Variants in OSBPL9 observed in about 807,000 individuals in gnomAD.
OSBPL9 encodes oxysterol binding protein like 9, also known as oxysterol-binding protein-related protein 9.
OSBPL9 carries 40 observed loss-of-function variants against 106.6 expected under a neutral mutation model. The ratio of observed to expected loss-of-function variants is 0.38; its 90% confidence interval spans 0.29 to 0.49. The LOEUF (loss-of-function observed/expected upper bound fraction) is 0.49. Among genes scored for constraint, OSBPL9 ranks in the 20% least tolerant of loss-of-function variants. The pLI is 0.97. For synonymous variants in OSBPL9, 269 were observed against 295.4 expected (o/e 0.91, Z 0.92); for missense variants, 609 against 887.2 (o/e 0.69, Z 3.98).
chr1:51,710,243 T>C (rs528089081), intron 3 of OSBPL9, among the ~76,000 whole-genome samples: 43 of 152,302 alleles, frequency 2.8e-4, no homozygotes, highest in Admixed American at 6.5e-4. Flanking sequence ...CTGAGTTGTG[T>C]TTAAGTATTT....
intron 2 of OSBPL9, among the ~76,000 whole-genome samples, chr1:51,663,693 A>G (rs1460382423): frequency 1.3e-5 from 2 of 152,238 alleles, no homozygotes; most frequent in Admixed American, 6.5e-5. Context: ...AGATATCATT[A>G]TGTGAGTGCA....
chr1:51,533,555 T>G, the OSBPL9 span, among the ~76,000 whole-genome samples: 2 of 149,860 alleles, frequency 1.3e-5, no homozygotes, highest in Admixed American at 6.6e-5. Flanking sequence ...GAAATGGCTG[T>G]GGGAGTCAAA....
At chr1:51,741,773 A>G (rs1666973616) in intron 4 of OSBPL9, among the ~76,000 whole-genome samples, 1 of 152,134 alleles carries the variant, frequency 6.6e-6, no homozygotes, top group Non-Finnish European at 1.5e-5. Context: ...GTTACATCAC[A>G]GACCATTTTG....
chr1:51,652,462 G>A (rs1646577279), intron 2 of OSBPL9, among the ~76,000 whole-genome samples: 1 of 152,112 alleles, frequency 6.6e-6, no homozygotes, highest in African/African-American at 2.4e-5. Context: ...CTGTCCAGTA[G>A]AAATACAATG....
chr1:51,745,332 G>A, intron 4 of OSBPL9: 1 of 618,312 alleles, frequency 1.6e-6, no homozygotes, highest in African/African-American at 1.9e-5. Flanking sequence ...TGCTGAGAAG[G>A]GAAGCAGTGC....
chr1:51,717,397 C>G (rs1661258698), intron 4 of OSBPL9, among the ~76,000 whole-genome samples: 1 of 152,216 alleles, frequency 6.6e-6, no homozygotes, highest in African/African-American at 2.4e-5. Flanking sequence ...CAACAGTTTT[C>G]TTTTCTTCAT....
At chr1:51,631,437 A>C (rs1405928637) in intron 1 of OSBPL9, among the ~76,000 whole-genome samples, 2 of 152,034 alleles carry the variant, frequency 1.3e-5, no homozygotes, top group African/African-American at 4.8e-5. Flanking sequence ...AGCTACTTGG[A>C]GGCTGAGGCA....
At chr1:51,575,370 T>G (rs532810238), upstream of OSBPL9, among the ~76,000 whole-genome samples, 8 of 151,394 alleles carry the variant, frequency 5.3e-5, no homozygotes, top group East Asian at 1.5e-3. Flanking sequence ...CCGGCTAATT[T>G]TTTTTTTTTT....
intron 9 of OSBPL9, among the ~76,000 whole-genome samples, chr1:51,758,455 G>T (rs1256264592): frequency 6.6e-6 from 1 of 151,692 alleles, no homozygotes; most frequent in Non-Finnish European, 1.5e-5. Context: ...TCTATTTTGG[G>T]ATCCACTTGC....
At chr1:51,636,080 A>ATGTGTGTG (rs1306785076) in intron 1 of OSBPL9, among the ~76,000 whole-genome samples, 1 of 125,694 alleles carries the variant, frequency 8.0e-6, no homozygotes, top group Non-Finnish European at 1.6e-5. Flanking sequence ...GTATGTATGT[A>ATGTGTGTG]TATGTGTGTG....
At chr1:51,724,520 G>A (rs1200269781) in intron 4 of OSBPL9, among the ~76,000 whole-genome samples, 1 of 151,950 alleles carries the variant, frequency 6.6e-6, no homozygotes, top group East Asian at 1.9e-4. Flanking sequence ...TCCTGACCTC[G>A]TGATTCGCAC....
At chr1:51,583,210 G>C (rs1172139573) in intron 1 of OSBPL9, among the ~76,000 whole-genome samples, 1 of 152,142 alleles carries the variant, frequency 6.6e-6, no homozygotes, top group Non-Finnish European at 1.5e-5. Context: ...GCCGAGATAA[G>C]ATTTGAATAG....
At chr1:51,642,229 AC>A (rs982953985) in intron 1 of OSBPL9, among the ~76,000 whole-genome samples, 5 of 152,234 alleles carry the variant, frequency 3.3e-5, no homozygotes, top group Admixed American at 1.3e-4. Context: ...AGCTGTACTT[AC>A]GTGTCTCCGT....
At chr1:51,698,856 T>C (rs114505050) in intron 3 of OSBPL9, among the ~76,000 whole-genome samples, 3 of 152,300 alleles carry the variant, frequency 2.0e-5, no homozygotes, top group Non-Finnish European at 4.4e-5. Flanking sequence ...GTGTATATCA[T>C]TACTGTATTT....
At chr1:51,712,262 C>T (rs980380840) in intron 3 of OSBPL9, among the ~76,000 whole-genome samples, 8 of 152,288 alleles carry the variant, frequency 5.3e-5, no homozygotes, top group Non-Finnish European at 1.2e-4. Context: ...ACCAGTCAGG[C>T]GTGGCGGCGC....
At chr1:51,555,591 G>A in the OSBPL9 span, among the ~76,000 whole-genome samples, 9 of 152,090 alleles carry the variant, frequency 5.9e-5, no homozygotes, top group South Asian at 1.7e-3. Flanking sequence ...TTTTTGAGAG[G>A]GAGTCTTGCT....
chr1:51,623,264 G>A (rs1050631558), intron 1 of OSBPL9, among the ~76,000 whole-genome samples: 2 of 152,138 alleles, frequency 1.3e-5, no homozygotes, highest in African/African-American at 4.8e-5. Context: ...AGGGCAAAGA[G>A]GACATGGAAT....
At chr1:51,724,009 C>T (rs907644536) in intron 4 of OSBPL9, among the ~76,000 whole-genome samples, 1 of 152,086 alleles carries the variant, frequency 6.6e-6, no homozygotes, top group Non-Finnish European at 1.5e-5. Context: ...TACAGTGGTG[C>T]CATCTGGGCT....
the OSBPL9 span, among the ~76,000 whole-genome samples, chr1:51,564,952 G>T: frequency 6.6e-6 from 1 of 152,182 alleles, no homozygotes. Flanking sequence ...TTCTGGGCAT[G>T]GCAGCAACCC....
Sources: gnomAD v4.1 joint callset for allele counts (sites outside exome capture counted in the v4.1 genomes callset) on GRCh38, gnomAD v4.1.1 for gene constraint, MANE v1.5 for transcripts, NCBI Gene and HGNC (gene_info 2026-07-23, HGNC 2026-07-21) for gene names.